The following KMT5B variants were observed in gnomAD, a reference collection of about 807,000 sequenced individuals.
KMT5B encodes the protein histone-lysine N-methyltransferase KMT5B.
KMT5B carries 10 observed loss-of-function variants against 83.2 expected under a neutral mutation model. The ratio of observed to expected loss-of-function variants is 0.12; its 90% confidence interval spans 0.07 to 0.20. The LOEUF is 0.20. KMT5B is among the 10% of genes least tolerant of loss of function. The pLI is 1.00. For missense variants in KMT5B, 753 were observed against 1,067.2 expected (o/e 0.71, Z 4.10); for synonymous variants, 349 against 388.8 (o/e 0.90, Z 1.20).
At chr11:68,189,669 T>C (rs1171623008) in intron 2 of KMT5B, 1 of 319,640 alleles carries the variant, frequency 3.1e-6, no homozygotes, top group African/African-American at 2.2e-5. Context: ...AGGTAAATTC[T>C]ACAAAATATA....
chr11:68,164,659 C>A, intron 10 of KMT5B: 1 of 514,582 alleles, frequency 1.9e-6, no homozygotes, highest in Non-Finnish European at 3.9e-6. Context: ...CATACTGATC[C>A]TTGGATTGCT....
Position 68,157,419 on chromosome 11 carries a change from G to C in KMT5B, c.*269C>G, listed in dbSNP as rs1371743638. On this transcript the variant is annotated 3_prime_UTR_variant, in exon 11 of 11. Transcript: ENST00000304363. ...TCCTGTGTGGAAAGTTGCTATCACT[G>C]TACAATTTTGCTTGAGCCTTTATTT... The C allele has an allele frequency of 3.3e-6, 1 of 306,532 alleles. No individual in the cohort carries two copies. The highest frequency in any genetic ancestry group is 5.8e-6 in the Non-Finnish European group (1 of 172,894). The allele number at this position is 306,532 out of a possible 1,614,324, so 19.0% of individuals were successfully genotyped here.
intron 3 of KMT5B, among the ~76,000 whole-genome samples, chr11:68,183,909 C>T (rs549666827): frequency 6.6e-6 from 1 of 152,152 alleles, no homozygotes; most frequent in East Asian, 1.9e-4. Flanking sequence ...ATCCACCCAG[C>T]TTGGCCTCCC....
At chr11:68,181,586 A>G (rs1856940395) in intron 3 of KMT5B, among the ~76,000 whole-genome samples, 1 of 152,178 alleles carries the variant, frequency 6.6e-6, no homozygotes, top group African/African-American at 2.4e-5. Flanking sequence ...TTGCACCCCA[A>G]AGAGAGAGAA....
At chr11:68,201,253 A>G (rs1238413280) in intron 1 of KMT5B, among the ~76,000 whole-genome samples, 1 of 152,218 alleles carries the variant, frequency 6.6e-6, no homozygotes, top group African/African-American at 2.4e-5. Flanking sequence ...GATAACTTTC[A>G]AAAGTATTTT....
Position 68,171,229 on chromosome 11 carries a change from T to C in KMT5B, c.840+3A>G. ...ACTTGAAGAAAATTTTTTTAATGCTTACCTTACAATTAGGTCTGCAATCTG... is the reference window on the plus strand; with the variant it reads ...ACTTGAAGAAAATTTTTTTAATGCTCACCTTACAATTAGGTCTGCAATCTG... On this transcript the variant is annotated splice_donor_region_variant and intron_variant, in intron 8 of 10. Transcript: ENST00000304363. The surrounding 1 kb of genome is among the most constrained non-coding windows in gnomAD (Gnocchi z 5.1). 2 of 1,607,478 alleles carry C rather than the reference T, an allele frequency of 1.2e-6. No homozygotes were observed. Among genetic ancestry groups the C allele is most frequent in the Non-Finnish European group, 1.7e-6 (2 of 1,178,560 alleles).
At chr11:68,178,830 C>T (rs141642758) in intron 4 of KMT5B, among the ~76,000 whole-genome samples, 1 of 151,846 alleles carries the variant, frequency 6.6e-6, no homozygotes, top group East Asian at 1.9e-4. Context: ...TATTATTGAA[C>T]AGAAAAATAC....
At chr11:68,206,008 T>C (rs999730804) in intron 1 of KMT5B, among the ~76,000 whole-genome samples, 5 of 152,212 alleles carry the variant, frequency 3.3e-5, no homozygotes, top group African/African-American at 1.2e-4. Context: ...TCACAGAAAA[T>C]ACTGCTTCAT....
Position 68,204,611 on chromosome 11 carries a change from G to GTTTTTTTTT in KMT5B, c.-77+8518_-77+8526dup, listed in dbSNP as rs34315868. Among the ~76,000 whole-genome samples the GTTTTTTTTT allele has an allele frequency of 3.8e-5, 4 of 106,150 alleles. 1 individual carries two copies. The highest frequency in any genetic ancestry group is 1.1e-4 in the African/African-American group (3 of 28,558). The allele number at this position is 106,150 out of a possible 152,430, so 69.6% of individuals were successfully genotyped here. On this transcript the variant is annotated intron_variant, in intron 1 of 10. Coordinates refer to ENST00000304363, the MANE Select transcript of KMT5B (RefSeq NM_017635.5). ...AAAACCGTGAGAGAATAAATTTCCGGTTTTTTTTTTTTTTTTTTTTTTTTG... is the reference window on the plus strand; with the variant it reads ...AAAACCGTGAGAGAATAAATTTCCGGTTTTTTTTTTTTTTTTTTTTTTTTTTTTTTTTTG...
chr11:68,155,169 A>C lies in KMT5B; in HGVS notation c.*2519T>G, dbSNP rs1859202786. On this transcript the variant is annotated 3_prime_UTR_variant, in exon 11 of 11. Transcript: ENST00000304363. ...CCAATCATTGCATAAGCTCAAGCTA[A>C]GAGTTTTATTGAATGCAACCTCTTC... The C allele has an allele frequency of 6.6e-6, 1 of 152,254 alleles. No individual in the cohort carries two copies. Among genetic ancestry groups the C allele is most frequent in the African/African-American group, 2.4e-5 (1 of 41,472 alleles). 9.4% of individuals were successfully genotyped at this position (152,254 alleles called of 1,614,324 possible).
At chr11:68,205,006 C>T (rs376254578) in intron 1 of KMT5B, among the ~76,000 whole-genome samples, 1 of 152,040 alleles carries the variant, frequency 6.6e-6, no homozygotes, top group South Asian at 2.1e-4. Context: ...AAAGTAGAAA[C>T]GCTTTACAGT....
At chr11:68,203,167 G>A (rs1218296732) in intron 1 of KMT5B, among the ~76,000 whole-genome samples, 1 of 151,810 alleles carries the variant, frequency 6.6e-6, no homozygotes, top group Non-Finnish European at 1.5e-5. Flanking sequence ...GGAGAGACGA[G>A]GTTTCACCAT....
At position 68,170,889 on chromosome 11, in the gene KMT5B, C is replaced by T. The variant is rs11228149; in HGVS notation, c.977+126G>A. 4.7e-4 allele frequency: 482 copies of T among 1,016,934 alleles called. 1 individual carries two copies. In the East Asian group the frequency reaches 0.012, roughly 26 times the overall value. 63.0% of individuals were successfully genotyped at this position (1,016,934 alleles called of 1,614,324 possible). On this transcript the variant is annotated intron_variant, in intron 9 of 10. Coordinates refer to ENST00000304363, the MANE Select transcript of KMT5B (RefSeq NM_017635.5). ...CTTTGTTCATACACACTGCACCAGC[C>T]GCTATGCTAAAGAACATAAAGACTA...
intron 1 of KMT5B, among the ~76,000 whole-genome samples, chr11:68,207,460 G>A (rs75373897): frequency 2.7e-3 from 409 of 152,038 alleles, no homozygotes; most frequent in African/African-American, 9.4e-3. Flanking sequence ...CTGAAGTGAA[G>A]TCCAGGCTGA....
rs373708203 is a variant in KMT5B at position 68,181,073 on chromosome 11, T to TTC, written c.309-875_309-874dup. Among the ~76,000 whole-genome samples the TTC allele has an allele frequency of 1.5e-3, 173 of 115,016 alleles. 3 individuals are homozygous for TTC. The East Asian group carries it at 0.044, about 29-fold the overall frequency. 75.5% of individuals were successfully genotyped at this position (115,016 alleles called of 152,430 possible). On this transcript the variant is annotated intron_variant, in intron 3 of 10. Coordinates refer to ENST00000304363, the MANE Select transcript of KMT5B (RefSeq NM_017635.5). Reference sequence around the variant, plus strand: ...TCATTAAACATCTACTCTTTCTTTTTTCTTTTTTTTTTTTTTTTGGAGATA... The same window carrying TTC: ...TCATTAAACATCTACTCTTTCTTTTTTCTCTTTTTTTTTTTTTTTTGGAGATA...
chr11:68,211,328 T>C (rs1272051821), intron 1 of KMT5B, among the ~76,000 whole-genome samples: 2 of 152,054 alleles, frequency 1.3e-5, no homozygotes, highest in African/African-American at 4.8e-5. Flanking sequence ...GTTCAGGGTG[T>C]TTGGGAAAGC....
intron 4 of KMT5B, among the ~76,000 whole-genome samples, chr11:68,179,141 G>A (rs1856666904): frequency 6.7e-6 from 1 of 148,974 alleles, no homozygotes; most frequent in African/African-American, 2.5e-5. Flanking sequence ...CATCAGCACT[G>A]GGCCCAGCCA....
intron 2 of KMT5B, among the ~76,000 whole-genome samples, chr11:68,188,032 T>G (rs902099878): frequency 2.0e-5 from 3 of 151,300 alleles, no homozygotes; most frequent in African/African-American, 7.3e-5. Flanking sequence ...TTTTCTTTTT[T>G]TTTTTTTTTT....
chr11:68,211,796 G>A (rs1396669030), intron 1 of KMT5B, among the ~76,000 whole-genome samples: 6 of 152,190 alleles, frequency 3.9e-5, no homozygotes, highest in Admixed American at 6.5e-5. Context: ...AGCTATTGGA[G>A]CCAGAGCTTG....
Sources: allele counts gnomAD v4.1 joint callset (sites outside exome capture counted in the v4.1 genomes callset), GRCh38; gene constraint gnomAD v4.1.1; non-coding constraint Gnocchi (gnomAD v3.1); transcripts MANE v1.5; gene names NCBI Gene and HGNC (gene_info 2026-07-23, HGNC 2026-07-21).